The following SLC35F1 variants were observed in gnomAD, a reference collection of about 807,000 sequenced individuals.
The protein encoded by SLC35F1 is solute carrier family 35 member F1.
SLC35F1 carries 14 observed loss-of-function variants against 48.7 expected under a neutral mutation model. That is an observed-to-expected ratio of 0.29 (90% CI 0.19 to 0.45). SLC35F1 has a LOEUF of 0.45. Among genes scored for constraint, SLC35F1 ranks in the 20% least tolerant of loss-of-function variants. The probability of loss-of-function intolerance (pLI) is 1.00; values close to 1 mark genes in which losing one functional copy is unlikely to be tolerated. For synonymous variants in SLC35F1, 190 were observed against 202.2 expected, an observed-to-expected ratio of 0.94 and a Z score of 0.51; for missense variants, 404 against 500.0, an observed-to-expected ratio of 0.81 and a Z score of 1.83.
At chr6:117,947,767 T>C (rs1404188127) in intron 1 of SLC35F1, among the ~76,000 whole-genome samples, 1 of 152,138 alleles carries the variant, frequency 6.6e-6, no homozygotes, top group Admixed American at 6.6e-5. Flanking sequence ...GAATGTATAG[T>C]ATGTATTCAT....
chr6:118,261,961 C>T (rs1045930924), intron 3 of SLC35F1, among the ~76,000 whole-genome samples: 3 of 152,178 alleles, frequency 2.0e-5, no homozygotes, highest in African/African-American at 7.2e-5. Flanking sequence ...CCCTGCATCC[C>T]AGACTTAGAG....
chr6:117,910,791 A>G (rs1361660895), intron 1 of SLC35F1, among the ~76,000 whole-genome samples: 1 of 152,198 alleles, frequency 6.6e-6, no homozygotes, highest in Non-Finnish European at 1.5e-5. Flanking sequence ...AGCCTGGCGA[A>G]TTGCCTGCCA....
intron 1 of SLC35F1, among the ~76,000 whole-genome samples, chr6:118,018,588 C>A (rs1257992187): frequency 6.6e-6 from 1 of 151,942 alleles, no homozygotes; most frequent in East Asian, 1.9e-4. Flanking sequence ...TTTAAATATG[C>A]CTTGCCTTTC....
intron 2 of SLC35F1, among the ~76,000 whole-genome samples, chr6:118,225,689 C>T (rs1459974166): frequency 2.7e-5 from 4 of 146,078 alleles, no homozygotes; most frequent in Non-Finnish European, 6.0e-5. Context: ...CTGGCTAACA[C>T]GGTGAAACCC....
At chr6:118,034,663 A>T (rs1772102082) in intron 1 of SLC35F1, among the ~76,000 whole-genome samples, 1 of 152,202 alleles carries the variant, frequency 6.6e-6, no homozygotes, top group South Asian at 2.1e-4. Flanking sequence ...GCTATAGAAC[A>T]AAATCATTAG....
chr6:117,939,282 C>G (rs1286059029), intron 1 of SLC35F1, among the ~76,000 whole-genome samples: 1 of 152,148 alleles, frequency 6.6e-6, no homozygotes, highest in Non-Finnish European at 1.5e-5. Context: ...CCACCAAGGC[C>G]TTTCAACCCT....
chr6:118,048,158 A>G (rs1429618669), intron 1 of SLC35F1, among the ~76,000 whole-genome samples: 1 of 152,056 alleles, frequency 6.6e-6, no homozygotes, highest in Non-Finnish European at 1.5e-5. Flanking sequence ...TTTTGTCTTT[A>G]GTTCTATTTA....
chr6:118,171,709 T>C (rs540528909), intron 2 of SLC35F1, among the ~76,000 whole-genome samples: 61 of 152,334 alleles, frequency 4.0e-4, no homozygotes, highest in African/African-American at 6.0e-4. Context: ...TTTCATTTCC[T>C]TAATTACCAG....
chr6:118,122,308 C>A (rs1297942398), intron 1 of SLC35F1, among the ~76,000 whole-genome samples: 2 of 151,478 alleles, frequency 1.3e-5, no homozygotes, highest in African/African-American at 4.8e-5. Context: ...GGTAGCACTG[C>A]AGCTCAGCTG....
intron 7 of SLC35F1, among the ~76,000 whole-genome samples, chr6:118,287,108 C>T (rs1270382324): frequency 6.6e-6 from 1 of 152,148 alleles, no homozygotes; most frequent in Admixed American, 6.5e-5. Context: ...TCCCAAGCTA[C>T]CTTGGTCCTC....
At chr6:117,998,368 A>G (rs1407162759) in intron 1 of SLC35F1, among the ~76,000 whole-genome samples, 8 of 151,906 alleles carry the variant, frequency 5.3e-5, no homozygotes, top group Admixed American at 5.2e-4. Context: ...CAGATCAACG[A>G]GACAGAAAGT....
At chr6:118,049,111 G>T (rs544096760) in intron 1 of SLC35F1, among the ~76,000 whole-genome samples, 1 of 152,146 alleles carries the variant, frequency 6.6e-6, no homozygotes, top group African/African-American at 2.4e-5. Context: ...CAAGCAATGG[G>T]GAAAGGATTC....
chr6:118,170,884 A>G (rs1195832691), intron 2 of SLC35F1, among the ~76,000 whole-genome samples: 2 of 152,172 alleles, frequency 1.3e-5, no homozygotes, highest in East Asian at 3.8e-4. Flanking sequence ...ATCTACCATA[A>G]ATCCCATTCT....
At chr6:118,046,327 C>A (rs973529001) in intron 1 of SLC35F1, among the ~76,000 whole-genome samples, 1 of 152,156 alleles carries the variant, frequency 6.6e-6, no homozygotes, top group Non-Finnish European at 1.5e-5. Flanking sequence ...TGCCATAAAG[C>A]CAGTATCAGT....
chr6:118,265,336 A>T (rs1271734669), intron 3 of SLC35F1, among the ~76,000 whole-genome samples: 1 of 152,168 alleles, frequency 6.6e-6, no homozygotes, highest in African/African-American at 2.4e-5. Context: ...AATAACTCTT[A>T]TTGAATACTC....
chr6:118,008,280 GAAAAA>G (rs35029349), intron 1 of SLC35F1, among the ~76,000 whole-genome samples: 1 of 149,984 alleles, frequency 6.7e-6, no homozygotes, highest in African/African-American at 2.5e-5. Flanking sequence ...CAGCAAAAAA[GAAAAA>G]AAAAAAGCAG....
At chr6:117,916,869 A>G (rs1259537416) in intron 1 of SLC35F1, among the ~76,000 whole-genome samples, 1 of 152,248 alleles carries the variant, frequency 6.6e-6, no homozygotes, top group Non-Finnish European at 1.5e-5. Flanking sequence ...CCCCTCAGCC[A>G]TTTAACAAAG....
At chr6:118,289,417 C>T (rs954272359) in intron 7 of SLC35F1, among the ~76,000 whole-genome samples, 46 of 152,186 alleles carry the variant, frequency 3.0e-4, no homozygotes, top group Non-Finnish European at 5.3e-4. Context: ...TAAGAAACTG[C>T]CAAACTATTT....
chr6:117,907,849 C>G lies in SLC35F1; in HGVS notation c.123C>G (p.Ser41=). 1.3e-6 allele frequency: 2 copies of G among 1,535,490 alleles called. No homozygotes were observed. Among genetic ancestry groups the G allele is most frequent in the Non-Finnish European group, 1.7e-6 (2 of 1,151,266 alleles). ...AEGSGGGGSL[S]ASSRAGVRQR... ...GCAGCGGCGGCGGCGGGAGCCTGTCCGCCTCCTCCCGGGCTGGCGTGCGCC... is the reference window on the plus strand; with the variant it reads ...GCAGCGGCGGCGGCGGGAGCCTGTCGGCCTCCTCCCGGGCTGGCGTGCGCC... The change falls in exon 1 of 8, where the codon TCC becomes TCG. Residue 41 remains serine, a synonymous_variant. Transcript: ENST00000360388.
Sources: gnomAD v4.1 joint callset for allele counts (sites outside exome capture counted in the v4.1 genomes callset) on GRCh38, gnomAD v4.1.1 for gene constraint, MANE v1.5 for transcripts, NCBI Gene and HGNC (gene_info 2026-07-23, HGNC 2026-07-21) for gene names.